FIRRM: variants seen among roughly 807,000 people sequenced by gnomAD.
The protein encoded by FIRRM is FIGNL1 interacting regulator of recombination and mitosis.
chr1:169,850,639 T>TA, the FIRRM span: 1 of 222,560 alleles, frequency 4.5e-6, no homozygotes. Flanking sequence ...CTACTAAAAA[T>TA]ACAAAAATTA....
At chr1:169,850,473 G>A in the FIRRM span, 5 of 627,376 alleles carry the variant, frequency 8.0e-6, no homozygotes, top group East Asian at 5.6e-5. Context: ...CAGTGCTGAC[G>A]ACTTTTACTA....
chr1:169,816,020 C>CA, the FIRRM span, among the ~76,000 whole-genome samples: 1 of 151,654 alleles, frequency 6.6e-6, no homozygotes, highest in Admixed American at 6.6e-5. Context: ...CTCTCAATTC[C>CA]AAAAAAAGAT....
chr1:169,843,797 T>C, the FIRRM span: 10 of 1,433,044 alleles, frequency 7.0e-6, no homozygotes, highest in East Asian at 6.8e-5. Flanking sequence ...ATTGATACTT[T>C]GTTTGCTAAG....
the FIRRM span, among the ~76,000 whole-genome samples, chr1:169,819,945 A>G: frequency 2.0e-5 from 3 of 152,290 alleles, no homozygotes; most frequent in African/African-American, 7.2e-5. Flanking sequence ...GCACTAGGCA[A>G]TTTCCATTGT....
chr1:169,823,787 C>A, the FIRRM span, among the ~76,000 whole-genome samples: 1 of 151,886 alleles, frequency 6.6e-6, no homozygotes, highest in African/African-American at 2.4e-5. Context: ...ATTTTTTAAT[C>A]TTTATTTTTA....
chr1:169,795,819 T>C, the FIRRM span: 5 of 977,562 alleles, frequency 5.1e-6, no homozygotes, highest in Non-Finnish European at 6.0e-6. Flanking sequence ...TTCTCACTCC[T>C]CTCACCCAGG....
the FIRRM span, chr1:169,821,672 G>T: frequency 1.3e-6 from 2 of 1,548,850 alleles, no homozygotes; most frequent in Non-Finnish European, 1.7e-6. Context: ...TTCCCTTTTT[G>T]GATCAGGATA....
At chr1:169,807,659 GTTATA>G in the FIRRM span, 1 of 744,752 alleles carries the variant, frequency 1.3e-6, no homozygotes, top group Non-Finnish European at 2.0e-6. Flanking sequence ...GCACATCTTA[GTTATA>G]TTATGTGATA....
At chr1:169,811,768 A>T in the FIRRM span, among the ~76,000 whole-genome samples, 870 of 144,730 alleles carry the variant, frequency 6.0e-3, 14 homozygotes, top group East Asian at 0.067. Context: ...TAATAGACAG[A>T]TTATCTAAAT....
At chr1:169,827,837 C>T in the FIRRM span, 3 of 1,613,624 alleles carry the variant, frequency 1.9e-6, no homozygotes, top group Non-Finnish European at 2.5e-6. Context: ...GAAACGACAA[C>T]CAGGTAGCAA....
chr1:169,852,493 A>C, the FIRRM span: 1 of 375,442 alleles, frequency 2.7e-6, no homozygotes, highest in South Asian at 4.2e-5. Flanking sequence ...CTTGTTTATA[A>C]GACATGTAAG....
chr1:169,830,793 C>T, the FIRRM span: 27 of 1,481,620 alleles, frequency 1.8e-5, no homozygotes, highest in South Asian at 2.5e-4. Context: ...CTATGCACTT[C>T]CTTTGGGGAT....
the FIRRM span, chr1:169,793,591 G>C: frequency 6.8e-6 from 11 of 1,614,056 alleles, no homozygotes; most frequent in Middle Eastern, 1.6e-4. Flanking sequence ...GACTTTCTGA[G>C]ACTGACAGCT....
At chr1:169,833,656 G>T in the FIRRM span, among the ~76,000 whole-genome samples, 3 of 152,086 alleles carry the variant, frequency 2.0e-5, no homozygotes, top group African/African-American at 7.2e-5. Flanking sequence ...CTGCCCTAGA[G>T]TGGTTGGCCA....
chr1:169,826,095 G>A, the FIRRM span: 25 of 333,648 alleles, frequency 7.5e-5, 1 homozygote, highest in South Asian at 5.8e-4. Context: ...TTTTTGAGAT[G>A]GAGTTTCGCT....
At chr1:169,843,900 T>A in the FIRRM span, 3 of 619,176 alleles carry the variant, frequency 4.8e-6, no homozygotes, top group African/African-American at 5.5e-5. Context: ...CTTGTCTTCA[T>A]CAAGGATATC....
chr1:169,837,212 T>G, the FIRRM span: 2 of 824,692 alleles, frequency 2.4e-6, no homozygotes, highest in Non-Finnish European at 3.5e-6. Flanking sequence ...GCACACACTC[T>G]CTGTTCTCTG....
the FIRRM span, among the ~76,000 whole-genome samples, chr1:169,791,971 C>A: frequency 6.6e-6 from 1 of 152,124 alleles, no homozygotes; most frequent in Non-Finnish European, 1.5e-5. Context: ...TTCCTCCTAC[C>A]AAGACCGCAG....
chr1:169,814,953 A>G, the FIRRM span, among the ~76,000 whole-genome samples: 1 of 152,040 alleles, frequency 6.6e-6, no homozygotes, highest in Non-Finnish European at 1.5e-5. Context: ...TCACTATATA[A>G]AAAAAGTTTT....
Sources: allele counts gnomAD v4.1 joint callset (sites outside exome capture counted in the v4.1 genomes callset), GRCh38; gene constraint gnomAD v4.1.1; transcripts MANE v1.5; gene names NCBI Gene and HGNC (gene_info 2026-07-23, HGNC 2026-07-21).